ST3GAL1: variants seen among roughly 807,000 people sequenced by gnomAD.
The protein encoded by ST3GAL1 is CMP-N-acetylneuraminate-beta-galactosamide-alpha-2,3-sialyltransferase 1.
In ST3GAL1, 16 loss-of-function variants were observed where a neutral mutation model predicts 34.1. The observed-to-expected ratio is 0.47, with a 90% CI of 0.32 to 0.71. ST3GAL1 has a LOEUF of 0.71. Ranked by LOEUF, ST3GAL1 falls within the 30% of genes least tolerant of loss-of-function variation. The pLI, the probability that ST3GAL1 is intolerant of heterozygous loss-of-function variation, is 0.04. For synonymous variants in ST3GAL1, 191 were observed against 184.7 expected (o/e 1.03, Z -0.28); for missense variants, 353 against 447.4 (o/e 0.79, Z 1.90).
chr8:133,483,995 C>G (rs149388199), intron 3 of ST3GAL1, among the ~76,000 whole-genome samples: 1 of 152,222 alleles, frequency 6.6e-6, no homozygotes, highest in African/African-American at 2.4e-5. Context: ...TTTACACATC[C>G]GCAGGAAAGC....
chr8:133,519,633 G>A (rs1183484535), intron 2 of ST3GAL1, among the ~76,000 whole-genome samples: 3 of 152,140 alleles, frequency 2.0e-5, no homozygotes, highest in African/African-American at 7.2e-5. Flanking sequence ...AGAGATACAT[G>A]CCAGGCACAC....
At chr8:133,468,250 C>T (rs924334287) in intron 5 of ST3GAL1, among the ~76,000 whole-genome samples, 5 of 152,070 alleles carry the variant, frequency 3.3e-5, no homozygotes, top group South Asian at 4.1e-4. Flanking sequence ...AAACATAGTA[C>T]GTTCCAGACA....
At chr8:133,473,141 T>C (rs1316769948) in intron 5 of ST3GAL1, among the ~76,000 whole-genome samples, 1 of 152,204 alleles carries the variant, frequency 6.6e-6, no homozygotes, top group East Asian at 1.9e-4. Context: ...ACATGGCTTA[T>C]ATCCAGAAGC....
chr8:133,500,274 G>T (rs2130993058), intron 2 of ST3GAL1, among the ~76,000 whole-genome samples: 1 of 152,256 alleles, frequency 6.6e-6, no homozygotes, highest in Middle Eastern at 3.4e-3. Flanking sequence ...ATCAATAATG[G>T]ATGAGTCTGA....
At chr8:133,513,115 T>A (rs17664714) in intron 2 of ST3GAL1, among the ~76,000 whole-genome samples, 9,497 of 152,218 alleles carry the variant, frequency 0.062, 377 homozygotes, top group Middle Eastern at 0.099. Flanking sequence ...CGGTCATCAA[T>A]GTCAGTGGAA....
At position 133,557,305 on chromosome 8, in the gene ST3GAL1, G is replaced by A. The variant is rs372816892; in HGVS notation, c.-581-11379C>T. On this transcript the variant is annotated intron_variant, in intron 1 of 9. Coordinates refer to ENST00000522652, the MANE Select transcript of ST3GAL1 (RefSeq NM_173344.3). ...TGGAAGTCATCCAGTCAACCAACGC[G>A]TGGCACAATGGGGTCCTCATAGGAT... Among the ~76,000 whole-genome samples, 34 of 152,312 alleles carry A rather than the reference G, an allele frequency of 2.2e-4. 1 individual carries two copies. Among genetic ancestry groups the A allele is most frequent in the South Asian group, 4.1e-4 (2 of 4,832 alleles).
chr8:133,512,186 G>C (rs907169838), intron 2 of ST3GAL1, among the ~76,000 whole-genome samples: 3 of 152,200 alleles, frequency 2.0e-5, no homozygotes, highest in Non-Finnish European at 4.4e-5. Flanking sequence ...AACTTCAAAA[G>C]GATGGAAGCC....
chr8:133,475,185 T>C (rs1471364185), intron 5 of ST3GAL1, among the ~76,000 whole-genome samples: 1 of 152,182 alleles, frequency 6.6e-6, no homozygotes, highest in Non-Finnish European at 1.5e-5. Flanking sequence ...AGGAAGGCCC[T>C]GTGGAAGTGG....
chr8:133,466,295 A>G lies in ST3GAL1; in HGVS notation c.307-205T>C, dbSNP rs890092634. ...ACTAAGGGTTACTCAGGAAGTAAAGAGAGCATTCATGTATTCTGCAAGTGT... is the reference window on the plus strand; with the variant it reads ...ACTAAGGGTTACTCAGGAAGTAAAGGGAGCATTCATGTATTCTGCAAGTGT... On this transcript the variant is annotated intron_variant, in intron 5 of 9. Transcript: ENST00000522652. The surrounding 1 kb of genome is among the most constrained non-coding windows in gnomAD (Gnocchi z 4.4). 2.0e-5 allele frequency among the ~76,000 whole-genome samples: 3 copies of G among 152,202 alleles called. No individual in the cohort carries two copies. Among genetic ancestry groups the G allele is most frequent in the African/African-American group, 7.2e-5 (3 of 41,454 alleles).
At chr8:133,562,569 A>G (rs1347398519) in intron 1 of ST3GAL1, among the ~76,000 whole-genome samples, 1 of 151,990 alleles carries the variant, frequency 6.6e-6, no homozygotes, top group African/African-American at 2.4e-5. Context: ...CTGAGGGCCA[A>G]CTCGGGTCAG....
intron 3 of ST3GAL1, among the ~76,000 whole-genome samples, chr8:133,485,922 C>G (rs1234433847): frequency 1.3e-5 from 2 of 152,194 alleles, no homozygotes; most frequent in East Asian, 3.8e-4. Context: ...GGGTTAAAAA[C>G]CATCCCTACT....
chr8:133,468,248 T>G (rs1815819627), intron 5 of ST3GAL1, among the ~76,000 whole-genome samples: 1 of 152,162 alleles, frequency 6.6e-6, no homozygotes, highest in Non-Finnish European at 1.5e-5. Context: ...ACAAACATAG[T>G]ACGTTCCAGA....
rs1231162404 is a variant in ST3GAL1, at chr8:133,556,987, G to A, written c.-581-11061C>T. Among the ~76,000 whole-genome samples, 1 of 152,156 alleles carries A rather than the reference G, an allele frequency of 6.6e-6. No individual in the cohort carries two copies. Among genetic ancestry groups the A allele is most frequent in the Non-Finnish European group, 1.5e-5 (1 of 68,028 alleles). ...TTAGAAGGAAACATTGTGACATGGTGGAAAGGGGTATGTGACAACCCCCCA... is the reference window on the plus strand; with the variant it reads ...TTAGAAGGAAACATTGTGACATGGTAGAAAGGGGTATGTGACAACCCCCCA... On this transcript the variant is annotated intron_variant, in intron 1 of 9. Coordinates refer to ENST00000522652, the MANE Select transcript of ST3GAL1 (RefSeq NM_173344.3). The surrounding 1 kb of genome is among the most constrained non-coding windows in gnomAD (Gnocchi z 8.9).
chr8:133,528,947 C>G (rs1374736426), intron 2 of ST3GAL1, among the ~76,000 whole-genome samples: 1 of 152,208 alleles, frequency 6.6e-6, no homozygotes, highest in African/African-American at 2.4e-5. Flanking sequence ...AATACACTTG[C>G]TGGATGAATA....
chr8:133,539,967 TTC>T (rs1464208724), intron 2 of ST3GAL1, among the ~76,000 whole-genome samples: 1 of 152,140 alleles, frequency 6.6e-6, no homozygotes, highest in Non-Finnish European at 1.5e-5. Context: ...TCTCATCTTA[TTC>T]TGTTTTACCT....
intron 2 of ST3GAL1, among the ~76,000 whole-genome samples, chr8:133,529,820 C>T (rs567025545): frequency 6.6e-6 from 1 of 152,294 alleles, no homozygotes; most frequent in African/African-American, 2.4e-5. Flanking sequence ...GGCTGTCCCC[C>T]AGACACCCAC....
chr8:133,548,047 G>A (rs1818719989), intron 1 of ST3GAL1, among the ~76,000 whole-genome samples: 1 of 152,226 alleles, frequency 6.6e-6, no homozygotes, highest in Non-Finnish European at 1.5e-5. Flanking sequence ...TTTGGCACCT[G>A]CTGATGGGGG....
chr8:133,500,768 C>A (rs963990102), intron 2 of ST3GAL1, among the ~76,000 whole-genome samples: 1 of 152,208 alleles, frequency 6.6e-6, no homozygotes, highest in African/African-American at 2.4e-5. Context: ...GCCATGCTCC[C>A]TGAGGGCTGA....
chr8:133,462,376 T>C (rs1026983910), intron 8 of ST3GAL1, among the ~76,000 whole-genome samples: 1 of 152,134 alleles, frequency 6.6e-6, no homozygotes, highest in Admixed American at 6.5e-5. Context: ...TGAAGACATA[T>C]GCACCAAGCC....
Sources: gnomAD v4.1 joint callset for allele counts (sites outside exome capture counted in the v4.1 genomes callset) on GRCh38, gnomAD v4.1.1 for gene constraint, Gnocchi (gnomAD v3.1) non-coding constraint, MANE v1.5 for transcripts, NCBI Gene and HGNC (gene_info 2026-07-23, HGNC 2026-07-21) for gene names.